The following IL1RAPL2 variants were observed in gnomAD, a reference collection of about 807,000 sequenced individuals.
The protein encoded by IL1RAPL2 is interleukin 1 receptor accessory protein like 2.
A neutral mutation model predicts 44.1 loss-of-function variants in IL1RAPL2; 3 were observed. The observed-to-expected ratio is 0.07, with a 90% CI of 0.03 to 0.18. The LOEUF (loss-of-function observed/expected upper bound fraction) is 0.18. Among genes scored for constraint, IL1RAPL2 ranks in the 10% least tolerant of loss-of-function variants. The probability of loss-of-function intolerance (pLI) is 1.00; values close to 1 mark genes in which losing one functional copy is unlikely to be tolerated. For missense variants in IL1RAPL2, 391 were observed against 496.4 expected (o/e 0.79, Z 2.02); for synonymous variants, 181 against 178.8 (o/e 1.01, Z -0.10).
chrX:105,406,509 G>A, intron 5 of IL1RAPL2: 1 of 1,199,793 alleles, frequency 8.3e-7, no homozygotes, highest in South Asian at 1.8e-5. Context: ...TTTTTTGCTA[G>A]CAACTCCAAC....
Position 105,710,111 on chromosome X carries a change from A to G in IL1RAPL2, c.773-7256A>G, listed in dbSNP as rs1230481907. Among the ~76,000 whole-genome samples, 9 of 111,533 alleles carry G rather than the reference A, an allele frequency of 8.1e-5. 1 individual carries two copies. In the South Asian group the frequency reaches 1.9e-3, roughly 23 times the overall value. On this transcript the variant is annotated intron_variant, in intron 6 of 10. Transcript: ENST00000372582. The stretch of plus-strand genomic sequence containing the variant: ...TTCCCTCTAGCACAGGCAAATAACT[A>G]TGAACATATTCCCCACCATCCCCAA...
At chrX:105,619,368 C>T (rs917209193) in intron 6 of IL1RAPL2, among the ~76,000 whole-genome samples, 2 of 111,209 alleles carry the variant, frequency 1.8e-5, no homozygotes, top group Non-Finnish European at 3.8e-5. Flanking sequence ...CTTCTTGGCA[C>T]AAAGAGGGAG....
intron 1 of IL1RAPL2, among the ~76,000 whole-genome samples, chrX:104,602,188 C>T (rs1018900181): frequency 5.4e-5 from 6 of 111,167 alleles, no homozygotes; most frequent in African/African-American, 2.0e-4. Context: ...GAGGGTGAGC[C>T]GAAGCAGGGT....
chrX:104,621,797 C>T (rs1352587258), intron 1 of IL1RAPL2, among the ~76,000 whole-genome samples: 1 of 111,556 alleles, frequency 9.0e-6, no homozygotes, highest in Admixed American at 9.6e-5. Flanking sequence ...GCTATATAAC[C>T]CAGTAGCAAG....
intron 5 of IL1RAPL2, among the ~76,000 whole-genome samples, chrX:105,421,926 A>G (rs114511549): frequency 1.4e-4 from 16 of 112,206 alleles, no homozygotes; most frequent in Non-Finnish European, 2.8e-4. Flanking sequence ...ATTAGAATTC[A>G]TTCCAAACTA....
chrX:104,654,563 C>T (rs922141360), intron 1 of IL1RAPL2, among the ~76,000 whole-genome samples: 2 of 111,180 alleles, frequency 1.8e-5, no homozygotes, highest in Admixed American at 1.9e-4. Context: ...GGGGGCTCCA[C>T]CTATAGGCCT....
At chrX:104,890,408 C>T (rs1462080043) in intron 2 of IL1RAPL2, among the ~76,000 whole-genome samples, 3 of 111,525 alleles carry the variant, frequency 2.7e-5, no homozygotes, top group Admixed American at 9.5e-5. Flanking sequence ...GTTTACAGTC[C>T]CACCAACAGT....
At chrX:104,729,263 A>G (rs183008598) in intron 2 of IL1RAPL2, among the ~76,000 whole-genome samples, 1,170 of 111,306 alleles carry the variant, frequency 0.011, 9 homozygotes, top group Non-Finnish European at 0.017. Flanking sequence ...ATAGAAGCTC[A>G]TATCAAAAAT....
intron 2 of IL1RAPL2, among the ~76,000 whole-genome samples, chrX:104,914,842 A>T (rs1468091375): frequency 2.7e-5 from 3 of 110,673 alleles, no homozygotes; most frequent in African/African-American, 9.9e-5. Context: ...TGCCGTAGTT[A>T]ACTGAGAATG....
chrX:105,180,344 C>CAAAAAAA (rs1447517527), intron 2 of IL1RAPL2, among the ~76,000 whole-genome samples: 10 of 100,830 alleles, frequency 9.9e-5, no homozygotes, highest in African/African-American at 4.0e-4. Context: ...TCTCAAAAAA[C>CAAAAAAA]AAAAACAAAA....
At chrX:105,737,999 T>A (rs1204480448) in intron 7 of IL1RAPL2, among the ~76,000 whole-genome samples, 2 of 111,790 alleles carry the variant, frequency 1.8e-5, no homozygotes, top group African/African-American at 6.5e-5. Flanking sequence ...GGTTCTGTGA[T>A]GGTACATAAA....
chrX:104,740,761 T>C (rs1932089534), intron 2 of IL1RAPL2, among the ~76,000 whole-genome samples: 2 of 111,597 alleles, frequency 1.8e-5, no homozygotes, highest in South Asian at 3.7e-4. Context: ...CTTTACCATA[T>C]GATGAACTTC....
In IL1RAPL2 at chrX:105,512,563, G is replaced by T. The variant is rs376648108; in HGVS notation, c.772+28176G>T. Among the ~76,000 whole-genome samples the T allele has an allele frequency of 1.3e-3, 149 of 110,905 alleles. 1 individual carries two copies. Among genetic ancestry groups the T allele is most frequent in the African/African-American group, 4.6e-3 (139 of 30,548 alleles). On this transcript the variant is annotated intron_variant, in intron 6 of 10. Coordinates refer to ENST00000372582, the MANE Select transcript of IL1RAPL2 (RefSeq NM_017416.2). ...CTTACAAAGGTGTAAAAATTAAATCGCATTTTGTTATATATTTAACATATC... is the reference window on the plus strand; with the variant it reads ...CTTACAAAGGTGTAAAAATTAAATCTCATTTTGTTATATATTTAACATATC...
chrX:104,875,246 C>CACT (rs1312741864), intron 2 of IL1RAPL2, among the ~76,000 whole-genome samples: 61 of 111,257 alleles, frequency 5.5e-4, no homozygotes, highest in African/African-American at 2.0e-3. Flanking sequence ...GGCTTAGAGA[C>CACT]ACTACAATCC....
At chrX:105,598,447 T>G (rs1271181498) in intron 6 of IL1RAPL2, among the ~76,000 whole-genome samples, 1 of 111,127 alleles carries the variant, frequency 9.0e-6, no homozygotes, top group Non-Finnish European at 1.9e-5. Context: ...GGGTAGATTT[T>G]AGGTGCTCTT....
At chrX:105,167,948 G>T (rs925843773) in intron 2 of IL1RAPL2, among the ~76,000 whole-genome samples, 19 of 111,570 alleles carry the variant, frequency 1.7e-4, no homozygotes, top group African/African-American at 5.9e-4. Context: ...CTGAAGCACA[G>T]AGAGGTTATC....
chrX:104,920,407 T>A (rs937432045), intron 2 of IL1RAPL2, among the ~76,000 whole-genome samples: 1 of 109,674 alleles, frequency 9.1e-6, no homozygotes, highest in Non-Finnish European at 1.9e-5. Flanking sequence ...GTGTTAGAGG[T>A]GGGGCCTGGT....
chrX:104,745,441 G>C (rs1276834043), intron 2 of IL1RAPL2, among the ~76,000 whole-genome samples: 1 of 112,005 alleles, frequency 8.9e-6, no homozygotes, highest in Non-Finnish European at 1.9e-5. Flanking sequence ...GATTTGATTA[G>C]ATAAAAATAA....
rs754603126 is a variant in IL1RAPL2 at position 105,636,089 on chromosome X, G to C, written c.773-81278G>C. Reference sequence around the variant, plus strand: ...AGGAATGAACCTATTGTTGACTGAAGAGTAGCCAGTGGAGAGGGAGAAAGG... The same window carrying C: ...AGGAATGAACCTATTGTTGACTGAACAGTAGCCAGTGGAGAGGGAGAAAGG... On this transcript the variant is annotated intron_variant, in intron 6 of 10. Coordinates refer to ENST00000372582, the MANE Select transcript of IL1RAPL2 (RefSeq NM_017416.2). Among the ~76,000 whole-genome samples the C allele has an allele frequency of 1.9e-4, 21 of 111,165 alleles. 1 individual carries two copies. The South Asian group carries it at 6.9e-3, about 36-fold the overall frequency.
Sources: allele counts gnomAD v4.1 joint callset (sites outside exome capture counted in the v4.1 genomes callset), GRCh38; gene constraint gnomAD v4.1.1; transcripts MANE v1.5; gene names NCBI Gene and HGNC (gene_info 2026-07-23, HGNC 2026-07-21).